The following GRAMD4 variants were observed in gnomAD, a reference collection of about 807,000 sequenced individuals.
GRAMD4 encodes GRAM domain containing 4, also known as GRAM domain-containing protein 4.
GRAMD4 carries 25 observed loss-of-function variants against 83.9 expected under a neutral mutation model. That is an observed-to-expected ratio of 0.30 (90% CI 0.22 to 0.42). The LOEUF (loss-of-function observed/expected upper bound fraction) is 0.42. Ranked by LOEUF, GRAMD4 falls within the 10% of genes least tolerant of loss-of-function variation. The probability of loss-of-function intolerance (pLI) is 1.00; values close to 1 mark genes in which losing one functional copy is unlikely to be tolerated. For missense variants in GRAMD4, 593 were observed against 788.7 expected, an observed-to-expected ratio of 0.75 and a Z score of 2.97; for synonymous variants, 336 against 320.9, an observed-to-expected ratio of 1.05 and a Z score of -0.50.
At chr22:46,592,728 C>T (rs192075358) in intron 1 of GRAMD4, among the ~76,000 whole-genome samples, 1 of 152,244 alleles carries the variant, frequency 6.6e-6, no homozygotes, top group East Asian at 1.9e-4. Flanking sequence ...CCAGTGTCGG[C>T]TGATTTGTTG....
intron 3 of GRAMD4, among the ~76,000 whole-genome samples, chr22:46,655,890 G>GCCAGGTGGTGGAA (rs3091385): frequency 0.38 from 58,263 of 152,022 alleles, 11,391 homozygotes; most frequent in Middle Eastern, 0.47. Context: ...CTAACGCTCT[G>GCCAGGTGGTGGAA]CCTGGCCATG....
chr22:46,648,935 CATGGATGG>C (rs57053112), intron 3 of GRAMD4, among the ~76,000 whole-genome samples: 1,013 of 45,538 alleles, frequency 0.022, 65 homozygotes, highest in Admixed American at 0.057. Flanking sequence ...TGGATGGATG[CATGGATGG>C]ATGGATGGAT....
At position 46,661,385 on chromosome 22, in the gene GRAMD4, G is replaced by C; in HGVS notation, c.409G>C (p.Glu137Gln). 1.2e-6 allele frequency: 2 copies of C among 1,612,242 alleles called. No individual in the cohort carries two copies. The highest frequency in any genetic ancestry group is 1.7e-6 in the Non-Finnish European group (2 of 1,179,384). ...KVQEVLKART[E>Q]EQMAQQPPKG... ...CTTCTCTCCCTGCTTTTTAAGAACC[G>C]AGGAGCAGATGGCTCAGCAGCCCCC... The change falls in exon 5 of 19, where the codon GAG becomes CAG. Residue 137 changes from glutamate (E) to glutamine (Q), a missense_variant. Glu to Gln is a conservative substitution (Grantham distance 29). Transcript: ENST00000406902.
At chr22:46,651,394 G>C (rs1243978972) in intron 3 of GRAMD4, among the ~76,000 whole-genome samples, 1 of 152,224 alleles carries the variant, frequency 6.6e-6, no homozygotes, top group Non-Finnish European at 1.5e-5. Flanking sequence ...CACAAGCTGT[G>C]GCCTCTGATG....
intron 3 of GRAMD4, among the ~76,000 whole-genome samples, chr22:46,655,994 C>T (rs1007889637): frequency 4.6e-5 from 7 of 151,994 alleles, no homozygotes; most frequent in African/African-American, 1.4e-4. Context: ...GGAGGGGGAG[C>T]TCTGGAGGGA....
chr22:46,582,018 C>T (rs1417936507), intron 1 of GRAMD4, among the ~76,000 whole-genome samples: 2 of 152,122 alleles, frequency 1.3e-5, no homozygotes, highest in East Asian at 1.9e-4. Context: ...CTGGCTGCCA[C>T]TTCCCTAGAG....
chr22:46,670,299 G>A (rs774297831), intron 13 of GRAMD4, among the ~76,000 whole-genome samples: 2 of 152,268 alleles, frequency 1.3e-5, no homozygotes, highest in African/African-American at 2.4e-5. Context: ...GACGCAGCAC[G>A]GCTGAGCTGT....
intron 3 of GRAMD4, among the ~76,000 whole-genome samples, chr22:46,650,868 C>G (rs1286112935): frequency 6.6e-6 from 1 of 152,210 alleles, no homozygotes; most frequent in African/African-American, 2.4e-5. Flanking sequence ...GTCCCTAAAC[C>G]TTGCGCTAGA....
At chr22:46,576,230 C>T (rs1352334405), upstream of GRAMD4, among the ~76,000 whole-genome samples, 1 of 152,122 alleles carries the variant, frequency 6.6e-6, no homozygotes, top group African/African-American at 2.4e-5. Context: ...TCCGGTTCTC[C>T]TCCACCCTCC....
chr22:46,643,125 ATCCATCCATGCATCCT>A (rs2082003201), intron 3 of GRAMD4, among the ~76,000 whole-genome samples: 4 of 148,148 alleles, frequency 2.7e-5, no homozygotes, highest in Non-Finnish European at 6.0e-5. Context: ...CCATCCATGC[ATCCATCCATGCATCCT>A]TCCATCCATC....
intron 13 of GRAMD4, chr22:46,670,943 C>T (rs2082493174): frequency 1.1e-5 from 3 of 268,926 alleles, no homozygotes; most frequent in South Asian, 5.7e-5. Context: ...GGTTTGGGTT[C>T]TCACAACCAC....
In GRAMD4 at chr22:46,661,367, C is replaced by A; in HGVS notation, c.405-14C>A. On this transcript the variant is annotated splice_polypyrimidine_tract_variant and intron_variant, in intron 4 of 18. Coordinates refer to ENST00000406902, the MANE Select transcript of GRAMD4 (RefSeq NM_015124.5). ...CTAACAGACCTCTTGTCTCTTCTCT[C>A]CCTGCTTTTTAAGAACCGAGGAGCA... 1 of 1,610,762 alleles carries A rather than the reference C, an allele frequency of 6.2e-7. No individual in the cohort carries two copies. The highest frequency in any genetic ancestry group is 8.5e-7 in the Non-Finnish European group (1 of 1,177,854).
chr22:46,668,287 C>T (rs751866221), intron 11 of GRAMD4, 120 bp downstream of exon 11: 43 of 673,976 alleles, frequency 6.4e-5, no homozygotes, highest in Middle Eastern at 4.1e-4. Context: ...TGGGGAGGGC[C>T]GTGCCTGACA....
intron 1 of GRAMD4, among the ~76,000 whole-genome samples, chr22:46,588,497 G>GAGGGCA (rs2081173604): frequency 2.6e-5 from 4 of 152,230 alleles, no homozygotes; most frequent in African/African-American, 9.6e-5. Context: ...AACCACTACA[G>GAGGGCA]AGGGCAAGAG....
At chr22:46,648,398 CAGAGGGATGGGT>C (rs1244685509) in intron 3 of GRAMD4, among the ~76,000 whole-genome samples, 1 of 106,712 alleles carries the variant, frequency 9.4e-6, no homozygotes, top group Non-Finnish European at 1.9e-5. Context: ...GGGTGAATGG[CAGAGGGATGGGT>C]AGATGGATGG....
At chr22:46,610,114 C>G (rs1190245693) in intron 1 of GRAMD4, among the ~76,000 whole-genome samples, 2 of 152,208 alleles carry the variant, frequency 1.3e-5, no homozygotes, top group Non-Finnish European at 2.9e-5. Context: ...ACTTGGAGAC[C>G]GTCCAGGCTG....
At chr22:46,617,995 G>A (rs2147125766), upstream of GRAMD4, among the ~76,000 whole-genome samples, 1 of 152,314 alleles carries the variant, frequency 6.6e-6, no homozygotes, top group South Asian at 2.1e-4. Flanking sequence ...GAGTCCATGG[G>A]TGTCCCTAGT....
At chr22:46,674,569 C>G (rs918506311) in intron 15 of GRAMD4, 88 bp from the exon 16 acceptor site, 44 of 933,058 alleles carry the variant, frequency 4.7e-5, no homozygotes, top group Admixed American at 1.4e-4. Context: ...ATGTCAGGAT[C>G]TGAGAGTCAG....
intron 1 of GRAMD4, among the ~76,000 whole-genome samples, chr22:46,612,163 C>G (rs1268705740): frequency 6.6e-6 from 1 of 152,060 alleles, no homozygotes; most frequent in African/African-American, 2.4e-5. Context: ...ACCATCCCGC[C>G]TGGCTAACTT....
Sources: allele counts gnomAD v4.1 joint callset (sites outside exome capture counted in the v4.1 genomes callset), GRCh38; gene constraint gnomAD v4.1.1; transcripts MANE v1.5; gene names NCBI Gene and HGNC (gene_info 2026-07-23, HGNC 2026-07-21).